The following TTC1 variants were observed in gnomAD, a reference collection of about 807,000 sequenced individuals.
TTC1 encodes the protein tetratricopeptide repeat protein 1.
Under a neutral mutation model 37.6 loss-of-function variants are expected in TTC1, and 31 were observed. That is an observed-to-expected ratio of 0.82 (90% CI 0.62 to 1.11). The LOEUF (loss-of-function observed/expected upper bound fraction) is 1.11, where lower values mean the gene tolerates loss of function less well. TTC1 is among the 50% of genes most tolerant of loss of function. The pLI is 0.00. For synonymous variants in TTC1, 127 were observed against 122.4 expected (o/e 1.04, Z -0.25); for missense variants, 351 against 339.0 (o/e 1.04, Z -0.28).
chr5:160,019,087 A>G (rs999387467), intron 2 of TTC1, among the ~76,000 whole-genome samples: 10 of 152,222 alleles, frequency 6.6e-5, no homozygotes, highest in Non-Finnish European at 1.0e-4. Flanking sequence ...GTAAGCCAAA[A>G]TGCAGATTTA....
chr5:160,060,311 A>C (rs1757663699), intron 7 of TTC1, among the ~76,000 whole-genome samples: 2 of 152,222 alleles, frequency 1.3e-5, no homozygotes, highest in Admixed American at 1.3e-4. Flanking sequence ...ATGTATAACA[A>C]ATCAATTGGG....
chr5:160,031,401 C>A (rs188860255), intron 2 of TTC1, among the ~76,000 whole-genome samples: 1 of 152,100 alleles, frequency 6.6e-6, no homozygotes, highest in Non-Finnish European at 1.5e-5. Context: ...CACTTGAGGC[C>A]TGGAGTTCAA....
intron 7 of TTC1, among the ~76,000 whole-genome samples, chr5:160,055,940 T>C (rs1757534873): frequency 6.6e-6 from 1 of 152,212 alleles, no homozygotes; most frequent in South Asian, 2.1e-4. Flanking sequence ...TTGGACAAGT[T>C]GCCACTGGAG....
intron 5 of TTC1, among the ~76,000 whole-genome samples, chr5:160,045,003 A>G (rs1029978028): frequency 3.3e-5 from 5 of 152,204 alleles, no homozygotes; most frequent in Non-Finnish European, 5.9e-5. Flanking sequence ...TGTGTTACCA[A>G]GTTGGACTGG....
chr5:160,018,223 G>A (rs923770854), intron 2 of TTC1, among the ~76,000 whole-genome samples: 3 of 152,170 alleles, frequency 2.0e-5, no homozygotes, highest in African/African-American at 4.8e-5. Flanking sequence ...CTTACCAGAC[G>A]CGAAATCTGC....
At chr5:160,034,126 C>CTTTTT (rs978923159) in intron 2 of TTC1, among the ~76,000 whole-genome samples, 1 of 114,562 alleles carries the variant, frequency 8.7e-6, no homozygotes. Flanking sequence ...GACCCTATCT[C>CTTTTT]TTTTTTTTTT....
chr5:160,054,079 G>T (rs1283064330), intron 7 of TTC1, among the ~76,000 whole-genome samples: 1 of 149,160 alleles, frequency 6.7e-6, no homozygotes, highest in Non-Finnish European at 1.5e-5. Flanking sequence ...GGTTGTTTTT[G>T]TTTGTTTGTT....
chr5:160,050,905 C>T (rs74446790), intron 6 of TTC1, among the ~76,000 whole-genome samples: 6,240 of 152,004 alleles, frequency 0.041, 158 homozygotes, highest in East Asian at 0.12. Context: ...GGAATATGGG[C>T]AGGAGTCACT....
intron 2 of TTC1, among the ~76,000 whole-genome samples, chr5:160,032,654 A>G (rs1462079570): frequency 6.7e-6 from 1 of 149,720 alleles, no homozygotes; most frequent in African/African-American, 2.5e-5. Context: ...TCACTAAAAG[A>G]CATGCATTCT....
chr5:160,037,095 G>A (rs1278280322), intron 4 of TTC1, among the ~76,000 whole-genome samples: 1 of 152,156 alleles, frequency 6.6e-6, no homozygotes, highest in African/African-American at 2.4e-5. Context: ...AGCAGTGCAT[G>A]TCCTAGAATA....
chr5:160,051,660 G>C (rs1757408090), intron 7 of TTC1, among the ~76,000 whole-genome samples: 1 of 152,190 alleles, frequency 6.6e-6, no homozygotes, highest in Non-Finnish European at 1.5e-5. Context: ...GGAGTAAAGA[G>C]AAATCAGACT....
intron 5 of TTC1, among the ~76,000 whole-genome samples, chr5:160,045,727 C>CT (rs1561635151): frequency 1.3e-5 from 2 of 151,720 alleles, no homozygotes; most frequent in Non-Finnish European, 2.9e-5. Flanking sequence ...ACCCAGCTAA[C>CT]TTTTTTTATT....
At chr5:160,012,744 T>C (rs903865653) in intron 2 of TTC1, among the ~76,000 whole-genome samples, 1 of 152,250 alleles carries the variant, frequency 6.6e-6, no homozygotes, top group Non-Finnish European at 1.5e-5. Context: ...TTTCCTCCTT[T>C]TAAAAATTGA....
chr5:160,044,528 G>A (rs1439130736), intron 5 of TTC1, among the ~76,000 whole-genome samples: 2 of 152,188 alleles, frequency 1.3e-5, no homozygotes, highest in Non-Finnish European at 2.9e-5. Context: ...AATATATAGG[G>A]TAACTTCTGA....
At chr5:160,034,098 G>C (rs906799826) in intron 2 of TTC1, among the ~76,000 whole-genome samples, 1 of 150,310 alleles carries the variant, frequency 6.7e-6, no homozygotes, top group African/African-American at 2.4e-5. Flanking sequence ...CTGCACTCTA[G>C]CCTGGACAAC....
intron 2 of TTC1, among the ~76,000 whole-genome samples, chr5:160,019,932 CTGTT>C (rs755566839): frequency 6.6e-5 from 10 of 151,698 alleles, no homozygotes; most frequent in Non-Finnish European, 1.0e-4. Flanking sequence ...TTGTTGTTTT[CTGTT>C]TGTTTATTTT....
In TTC1 at chr5:160,065,127, G is replaced by A; in HGVS notation, c.*62G>A. On this transcript the variant is annotated 3_prime_UTR_variant, in exon 8 of 8. Coordinates refer to ENST00000231238, the MANE Select transcript of TTC1 (RefSeq NM_003314.3). The stretch of plus-strand genomic sequence containing the variant: ...TGTGTGCTGCTTGCTGTTAGCTAGG[G>A]GAAAGGCCCTGCCAATGTTTAACTT... The A allele has an allele frequency of 1.3e-6, 2 of 1,580,722 alleles. No individual in the cohort carries two copies. The highest frequency in any genetic ancestry group is 8.6e-7 in the Non-Finnish European group (1 of 1,168,134).
chr5:160,029,901 G>A (rs369047044), intron 2 of TTC1, among the ~76,000 whole-genome samples: 5 of 152,154 alleles, frequency 3.3e-5, no homozygotes, highest in South Asian at 2.1e-4. Flanking sequence ...TAAAAGGGCC[G>A]TATGGGATAT....
intron 1 of TTC1, among the ~76,000 whole-genome samples, 190 bp from the exon 2 acceptor site, chr5:160,010,310 G>A (rs923477798): frequency 1.3e-5 from 2 of 150,670 alleles, no homozygotes; most frequent in Non-Finnish European, 2.9e-5. Flanking sequence ...CCAGAAAAGG[G>A]GTCTCAGTTA....
Sources: gnomAD v4.1 joint callset for allele counts (sites outside exome capture counted in the v4.1 genomes callset) on GRCh38, gnomAD v4.1.1 for gene constraint, MANE v1.5 for transcripts, NCBI Gene and HGNC (gene_info 2026-07-23, HGNC 2026-07-21) for gene names.